The following TSPAN9 variants were observed in gnomAD, a reference collection of about 807,000 sequenced individuals.
TSPAN9 encodes the protein tetraspanin-9.
Under a neutral mutation model 31.0 loss-of-function variants are expected in TSPAN9, and 16 were observed. The ratio of observed to expected loss-of-function variants is 0.52; its 90% CI spans 0.35 to 0.78. The LOEUF is 0.78. Ranked by LOEUF, TSPAN9 falls within the 30% of genes least tolerant of loss-of-function variation. TSPAN9 has a pLI of 0.01. For missense variants in TSPAN9, 272 were observed against 312.5 expected, an observed-to-expected ratio of 0.87 and a Z score of 0.98; for synonymous variants, 145 against 121.6, an observed-to-expected ratio of 1.19 and a Z score of -1.27.
chr12:3,268,407 G>C (rs1591715856), intron 3 of TSPAN9, among the ~76,000 whole-genome samples: 2 of 131,202 alleles, frequency 1.5e-5, no homozygotes, highest in African/African-American at 5.8e-5. Flanking sequence ...TGTTCCTGCA[G>C]CCTGCCCTCC....
intron 2 of TSPAN9, among the ~76,000 whole-genome samples, chr12:3,096,213 C>A (rs972986414): frequency 3.3e-5 from 5 of 152,212 alleles, no homozygotes; most frequent in Non-Finnish European, 7.3e-5. Context: ...AACATAGATA[C>A]TGCCACATCC....
chr12:3,255,059 C>T (rs1862320273), intron 3 of TSPAN9, among the ~76,000 whole-genome samples: 1 of 152,192 alleles, frequency 6.6e-6, no homozygotes, highest in Admixed American at 6.5e-5. Context: ...CTTCCTGCTG[C>T]AGTCTTCAGC....
Position 3,286,510 on chromosome 12 carries a change from CCATGTTTTTAG to C in TSPAN9, c.*3405_*3415del, listed in dbSNP as rs1460666121. 6.6e-6 allele frequency: 1 copy of C among 152,386 alleles called. No homozygotes were observed. Among genetic ancestry groups the C allele is most frequent in the Non-Finnish European group, 1.5e-5 (1 of 68,032 alleles). The allele number at this position is 152,386 out of a possible 1,614,324, so 9.4% of individuals were successfully genotyped here. A position where few individuals can be genotyped will look rare whatever the true frequency, so the allele number is the denominator to read the frequency against. ...ATCCTGGTCCTGGCTTTATGGAACA[CCATGTTTTTAG>C]CATGTTTTTAAATAAAAACGGATAA... On this transcript the variant is annotated 3_prime_UTR_variant, in exon 9 of 9. Transcript: ENST00000011898. The surrounding 1 kb of genome is among the most constrained non-coding windows in gnomAD (Gnocchi z 4.1).
chr12:3,082,670 C>T (rs2098298498), intron 1 of TSPAN9, among the ~76,000 whole-genome samples: 1 of 152,044 alleles, frequency 6.6e-6, no homozygotes, highest in Non-Finnish European at 1.5e-5. Flanking sequence ...GAACCTGAGA[C>T]ATTTTGGAAG....
intron 3 of TSPAN9, among the ~76,000 whole-genome samples, chr12:3,232,186 C>T (rs900180234): frequency 6.6e-5 from 10 of 152,080 alleles, no homozygotes; most frequent in African/African-American, 1.2e-4. Flanking sequence ...ACCAAGTACC[C>T]GTTCCTCCTA....
chr12:3,080,330 CT>C (rs112960008), intron 1 of TSPAN9, among the ~76,000 whole-genome samples: 1 of 151,830 alleles, frequency 6.6e-6, no homozygotes, highest in Non-Finnish European at 1.5e-5. Flanking sequence ...AATGTAAAAT[CT>C]TTTTTTTGTT....
At chr12:3,264,868 C>T (rs749767562) in intron 3 of TSPAN9, among the ~76,000 whole-genome samples, 9 of 152,222 alleles carry the variant, frequency 5.9e-5, no homozygotes, top group Non-Finnish European at 1.0e-4. Flanking sequence ...TCGTTTTCTG[C>T]GGTCCTGCTG....
chr12:3,257,819 G>A (rs542800620), intron 3 of TSPAN9, among the ~76,000 whole-genome samples: 2 of 152,258 alleles, frequency 1.3e-5, no homozygotes, highest in African/African-American at 4.8e-5. Flanking sequence ...GGTGCCCAGA[G>A]GTGGTGAGGG....
At position 3,270,804 on chromosome 12, in the gene TSPAN9, G is replaced by A. The variant is rs141472221; in HGVS notation, c.64-7617G>A. ...ACTCTTCCACCCCAATATACACTTCGGGATTTTAGATTGCAAGAGGTGTAG... is the reference window on the plus strand; with the variant it reads ...ACTCTTCCACCCCAATATACACTTCAGGATTTTAGATTGCAAGAGGTGTAG... On this transcript the variant is annotated intron_variant, in intron 3 of 8. Transcript: ENST00000011898. Among the ~76,000 whole-genome samples, 40 of 152,346 alleles carry A rather than the reference G, an allele frequency of 2.6e-4. No individual in the cohort carries two copies. The Middle Eastern group carries it at 0.02, about 78-fold the overall frequency.
intron 2 of TSPAN9, 148 bp from the exon 3 acceptor site, chr12:3,201,029 G>A (rs1162679702): frequency 9.0e-6 from 6 of 670,304 alleles, no homozygotes; most frequent in Non-Finnish European, 1.5e-5. Flanking sequence ...GTTCGGCCGC[G>A]GCTTCACGGC....
chr12:3,278,355 C>G (rs651196), intron 3 of TSPAN9, 66 bp from the exon 4 acceptor site: 620,664 of 1,581,158 alleles, frequency 0.39, 123,246 homozygotes, highest in Middle Eastern at 0.53. Context: ...GGGACCTGCA[C>G]TGTTCCCAGG....
intron 3 of TSPAN9, among the ~76,000 whole-genome samples, chr12:3,218,641 G>A (rs927929933): frequency 4.6e-5 from 7 of 152,286 alleles, no homozygotes; most frequent in South Asian, 2.1e-4. Flanking sequence ...GAGGAAAAAC[G>A]CAAAGGGGAA....
At chr12:3,169,181 A>G (rs1006437428) in intron 2 of TSPAN9, among the ~76,000 whole-genome samples, 2 of 152,130 alleles carry the variant, frequency 1.3e-5, no homozygotes, top group Non-Finnish European at 2.9e-5. Flanking sequence ...CCCACCTTCA[A>G]TGCTCTGTCT....
chr12:3,262,202 G>A (rs564340595), intron 3 of TSPAN9, among the ~76,000 whole-genome samples: 1 of 152,224 alleles, frequency 6.6e-6, no homozygotes, highest in South Asian at 2.1e-4. Context: ...TTTTGTGGGT[G>A]CCTGGAGGCA....
Position 3,278,448 on chromosome 12 carries a change from G to A in TSPAN9, c.91G>A (p.Gly31Ser). The change falls in exon 4 of 9, where the codon GGC becomes AGC. Residue 31 changes from glycine to serine, a missense_variant. Physicochemically the swap from Gly to Ser is moderately conservative, Grantham distance 56 (BLOSUM62 0). Transcript: ENST00000011898. ...CTGTGGCTGTGGGCTGCTGGGAGTG[G>A]GCATCTGGCTCTCCGTGTCCCAAGG... ...WLCGCGLLGV[G>S]IWLSVSQGNF... 6.2e-7 allele frequency: 1 copy of A among 1,614,158 alleles called. No homozygotes were observed. Among genetic ancestry groups the A allele is most frequent in the South Asian group, 1.1e-5 (1 of 91,078 alleles).
intron 2 of TSPAN9, among the ~76,000 whole-genome samples, chr12:3,116,099 A>G (rs1249466258): frequency 2.0e-5 from 3 of 152,216 alleles, no homozygotes; most frequent in South Asian, 4.1e-4. Flanking sequence ...TGTAAAAGCA[A>G]TGTATGTTTA....
At chr12:3,109,299 T>TGTGTGTGTGTGTGTGA (rs1274383200) in intron 2 of TSPAN9, among the ~76,000 whole-genome samples, 27 of 118,348 alleles carry the variant, frequency 2.3e-4, no homozygotes, top group African/African-American at 8.2e-4. Flanking sequence ...TGTGTGTGTG[T>TGTGTGTGTGTGTGTGA]GAGAGAGAGT....
intron 3 of TSPAN9, among the ~76,000 whole-genome samples, chr12:3,235,118 GCTTGCAGTGAGCAGA>G: frequency 1.3e-5 from 1 of 78,102 alleles, no homozygotes; most frequent in Non-Finnish European, 3.1e-5. Flanking sequence ...AGTGAGCGGA[GCTTGCAGTGAGCAGA>G]GCTTGCGCCA....
chr12:3,223,885 AT>A (rs2098385827), intron 3 of TSPAN9, among the ~76,000 whole-genome samples: 1 of 152,028 alleles, frequency 6.6e-6, no homozygotes, highest in South Asian at 2.1e-4. Context: ...CATGTGAGAG[AT>A]TTATAACAGA....
Sources: allele counts gnomAD v4.1 joint callset (sites outside exome capture counted in the v4.1 genomes callset), GRCh38; gene constraint gnomAD v4.1.1; non-coding constraint Gnocchi (gnomAD v3.1); transcripts MANE v1.5; gene names NCBI Gene and HGNC (gene_info 2026-07-23, HGNC 2026-07-21).